Variants in DYNC1I1 observed in about 807,000 individuals in gnomAD.
DYNC1I1 encodes dynein cytoplasmic 1 intermediate chain 1.
Under a neutral mutation model 86.6 loss-of-function variants are expected in DYNC1I1, and 43 were observed. That is an observed-to-expected ratio of 0.50 (90% confidence interval 0.39 to 0.64). The LOEUF (loss-of-function observed/expected upper bound fraction) is 0.64. Among genes scored for constraint, DYNC1I1 ranks in the 30% least tolerant of loss-of-function variants. The pLI, the probability that DYNC1I1 is intolerant of heterozygous loss-of-function variation, is 0.00. For missense variants in DYNC1I1, 604 were observed against 788.8 expected (o/e 0.77, Z 2.81); for synonymous variants, 262 against 283.7 (o/e 0.92, Z 0.77).
chr7:95,962,338 G>A (rs938661619), intron 6 of DYNC1I1, among the ~76,000 whole-genome samples: 3 of 152,136 alleles, frequency 2.0e-5, no homozygotes, highest in African/African-American at 7.2e-5. Flanking sequence ...ATATTTTGTT[G>A]TTTGAACTAT....
intron 5 of DYNC1I1, among the ~76,000 whole-genome samples, chr7:95,860,253 C>T (rs1237189299): frequency 1.3e-5 from 2 of 152,148 alleles, no homozygotes; most frequent in Admixed American, 1.3e-4. Context: ...CTTTGCCCAT[C>T]ATTTGCAGTT....
intron 3 of DYNC1I1, among the ~76,000 whole-genome samples, chr7:95,810,816 A>G (rs1794813811): frequency 6.6e-6 from 1 of 152,078 alleles, no homozygotes; most frequent in Non-Finnish European, 1.5e-5. Context: ...AATATAAGAA[A>G]TCTTGGAATG....
intron 5 of DYNC1I1, among the ~76,000 whole-genome samples, chr7:95,845,538 C>T (rs370071645): frequency 1.3e-5 from 2 of 152,148 alleles, no homozygotes; most frequent in African/African-American, 4.8e-5. Context: ...CAAGGTTTGT[C>T]ATGTAACAAT....
intron 5 of DYNC1I1, among the ~76,000 whole-genome samples, chr7:95,835,754 G>A (rs1394463358): frequency 6.6e-6 from 1 of 151,760 alleles, no homozygotes; most frequent in East Asian, 1.9e-4. Flanking sequence ...TTTGATCTTT[G>A]TTGGTTTAAA....
At chr7:95,911,120 A>G (rs1218575720) in intron 6 of DYNC1I1, among the ~76,000 whole-genome samples, 3 of 152,194 alleles carry the variant, frequency 2.0e-5, no homozygotes, top group Non-Finnish European at 2.9e-5. Flanking sequence ...GCCAACAGCT[A>G]TGATGATGTT....
rs1788965556 is a variant in DYNC1I1 at position 96,039,287 on chromosome 7, A to G, written c.1375A>G (p.Ile459Val). The change falls in exon 14 of 17, where the codon ATT becomes GTT. Residue 459 changes from isoleucine to valine, a missense_variant. Physicochemically the swap from Ile to Val is conservative, Grantham distance 29 (BLOSUM62 3). Transcript: ENST00000447467. Reference protein sequence around the residue: ...TACRHGSKAGIGEVFEGHQGP... With the variant: ...TACRHGSKAGVGEVFEGHQGP... Reference sequence around the variant, plus strand: ...GTGCTCTTCCTACAGCAAAGCAGGTATTGGTGAGGTCTTTGAAGGTCACCA... The same window carrying G: ...GTGCTCTTCCTACAGCAAAGCAGGTGTTGGTGAGGTCTTTGAAGGTCACCA... 6.2e-7 allele frequency: 1 copy of G among 1,613,802 alleles called. No homozygotes were observed. The highest frequency in any genetic ancestry group is 1.3e-5 in the African/African-American group (1 of 74,900).
intron 13 of DYNC1I1, among the ~76,000 whole-genome samples, chr7:96,036,757 T>C (rs1166806518): frequency 6.6e-6 from 1 of 152,156 alleles, no homozygotes; most frequent in South Asian, 2.1e-4. Context: ...CAAACCACCA[T>C]GCAGTTCCCA....
At chr7:95,952,706 GAT>G (rs1270241014) in intron 6 of DYNC1I1, among the ~76,000 whole-genome samples, 7 of 152,124 alleles carry the variant, frequency 4.6e-5, no homozygotes, top group Admixed American at 2.6e-4. Context: ...TTTAAATGGA[GAT>G]ATAAAATTTG....
chr7:95,804,072 A>G (rs1005331553), intron 1 of DYNC1I1: 14 of 163,878 alleles, frequency 8.5e-5, no homozygotes, highest in Non-Finnish European at 4.0e-5. Flanking sequence ...TATTACATTC[A>G]GAATGCAAAT....
At chr7:96,101,421 G>A (rs188691713), downstream of DYNC1I1, among the ~76,000 whole-genome samples, 7 of 152,226 alleles carry the variant, frequency 4.6e-5, no homozygotes, top group East Asian at 1.2e-3. Context: ...CTAGGAGGGA[G>A]GACACCAGGA....
chr7:95,987,180 C>A (rs1268508583), intron 9 of DYNC1I1, 25 bp downstream of exon 9: 3 of 1,583,532 alleles, frequency 1.9e-6, no homozygotes, highest in East Asian at 4.5e-5. Context: ...TGGGCTGGGA[C>A]AAACTGGGCT....
intron 6 of DYNC1I1, among the ~76,000 whole-genome samples, chr7:95,923,827 G>A (rs183018195): frequency 6.6e-6 from 1 of 152,136 alleles, no homozygotes; most frequent in Non-Finnish European, 1.5e-5. Context: ...GAAAGGGAAG[G>A]TTATAATGAA....
chr7:95,920,396 T>G lies in DYNC1I1; in HGVS notation c.490+50398T>G, dbSNP rs562699780. Among the ~76,000 whole-genome samples the G allele has an allele frequency of 1.1e-4, 16 of 152,258 alleles. No individual in the cohort carries two copies. In the South Asian group the frequency reaches 3.3e-3, roughly 32 times the overall value. Reference sequence around the variant, plus strand: ...ATGTCTAGTGGCACCTAAGGAGACATGATGAATAAATGCAATGTGGTACCC... The same window carrying G: ...ATGTCTAGTGGCACCTAAGGAGACAGGATGAATAAATGCAATGTGGTACCC... On this transcript the variant is annotated intron_variant, in intron 6 of 16. Transcript: ENST00000447467.
intron 10 of DYNC1I1, among the ~76,000 whole-genome samples, chr7:95,998,012 C>T (rs1793912813): frequency 1.3e-5 from 2 of 152,180 alleles, no homozygotes; most frequent in Admixed American, 6.6e-5. Context: ...GTTAGGTAGA[C>T]AGATAACATA....
intron 6 of DYNC1I1, among the ~76,000 whole-genome samples, chr7:95,901,760 C>T (rs1248647090): frequency 6.6e-6 from 1 of 152,118 alleles, no homozygotes; most frequent in African/African-American, 2.4e-5. Context: ...ATGAATGAAG[C>T]CTAGTATGGT....
intron 1 of DYNC1I1, among the ~76,000 whole-genome samples, chr7:95,777,114 G>T (rs1490310222): frequency 6.6e-6 from 1 of 152,116 alleles, no homozygotes; most frequent in Admixed American, 6.6e-5. Flanking sequence ...ATTGTGGCAG[G>T]ACTAAGAGTC....
intron 6 of DYNC1I1, among the ~76,000 whole-genome samples, chr7:95,934,773 C>T (rs1027157802): frequency 6.6e-6 from 1 of 152,012 alleles, no homozygotes; most frequent in African/African-American, 2.4e-5. Context: ...ATTGCTATCT[C>T]ATACTATCAC....
chr7:95,864,058 G>T (rs149115098), intron 5 of DYNC1I1, among the ~76,000 whole-genome samples: 1 of 152,154 alleles, frequency 6.6e-6, no homozygotes, highest in Non-Finnish European at 1.5e-5. Context: ...GAGTAAGTTT[G>T]TATAATCCTA....
intron 5 of DYNC1I1, among the ~76,000 whole-genome samples, chr7:95,839,949 T>C (rs1198801172): frequency 1.3e-5 from 2 of 152,202 alleles, no homozygotes; most frequent in South Asian, 2.1e-4. Context: ...TATAGTCTTA[T>C]GAGGGTTCTC....
Sources: gnomAD v4.1 joint callset for allele counts (sites outside exome capture counted in the v4.1 genomes callset) on GRCh38, gnomAD v4.1.1 for gene constraint, MANE v1.5 for transcripts, NCBI Gene and HGNC (gene_info 2026-07-23, HGNC 2026-07-21) for gene names.